The following PLEC variants were observed in gnomAD, a reference collection of about 807,000 sequenced individuals.
PLEC encodes the protein hemidesmosomal protein 1.
A neutral mutation model predicts 392.8 loss-of-function variants in PLEC; 216 were observed. That is an observed-to-expected ratio of 0.55 (90% CI 0.49 to 0.62). PLEC has a LOEUF of 0.62. Among genes scored for constraint, PLEC ranks in the 20% least tolerant of loss-of-function variants. PLEC has a pLI of 0.00. For missense variants in PLEC, 6,863 were observed against 6,563.4 expected (o/e 1.05, Z -1.58); for synonymous variants, 3,621 against 2,980.6 (o/e 1.21, Z -7.00).
chr8:143,923,892 G>A lies in PLEC; in HGVS notation c.6037C>T (p.Arg2013Trp), dbSNP rs34893635. ...QRKAALEEVE[R>W]LKAKVEEARR... ...GCCTCCTCCACCTTGGCTTTCAGCC[G>A]CTCGACTTCCTCCAGCGCCGCCTTC... Residue 2013 changes from arginine (R) to tryptophan (W), a missense_variant, in exon 31 of 32, where the codon CGG becomes TGG. Transcript: ENST00000345136. 1.1e-4 allele frequency: 174 copies of A among 1,594,564 alleles called. No individual in the cohort carries two copies. The East Asian group carries it at 1.4e-3, about 13-fold the overall frequency.
chr8:143,950,613 G>A (rs782041189), exon 1 of PLEC: 29 of 1,603,906 alleles, frequency 1.8e-5, no homozygotes, highest in South Asian at 1.3e-4. Flanking sequence ...CTGCGGGGCC[G>A]CCGGTCCTTC....
At position 143,931,985 on chromosome 8, in the gene PLEC, C is replaced by T. The variant is rs1402886286; in HGVS notation, c.2130G>A (p.Leu710=). The T allele has an allele frequency of 1.9e-6, 3 of 1,607,972 alleles. No individual in the cohort carries two copies. In the East Asian group the frequency reaches 6.7e-5, roughly 36 times the overall value. ...LQTQWSWMLQ[L]CCCIEAHLKE... ...TCAGGTGTGCCTCGATACAGCAGCA[C>T]AGCTGTAGCATCCAGCTCCACTGCG... is the stretch of plus-strand genomic sequence containing the variant. The change falls in exon 18 of 32, where the codon CTG becomes CTA. Residue 710 remains leucine (L), a synonymous_variant. Transcript: ENST00000345136.
upstream of PLEC, chr8:143,943,895 G>A (rs377111376): frequency 7.1e-5 from 114 of 1,609,964 alleles, no homozygotes; most frequent in Non-Finnish European, 9.4e-5. Context: ...CTCCATAGCC[G>A]CCACGCGGAG....
In PLEC at chr8:143,921,112, G is replaced by A. The variant is rs374056747; in HGVS notation, c.8709C>T (p.Asp2903=). ...CAGACACGGTGGCCTTCTCAAAGAC[G>A]TCCCGGGCCTCGGAGTCAGTGTAGA... is the stretch of plus-strand genomic sequence containing the variant. ...ELVYTDSEAR[D]VFEKATVSAP... is the part of the protein sequence containing the mutation. Residue 2903 remains aspartate (D), a synonymous_variant, in exon 32 of 32, where the codon GAC becomes GAT. Transcript: ENST00000345136. The A allele has an allele frequency of 2.8e-5, 45 of 1,612,312 alleles. No homozygotes were observed. The highest frequency in any genetic ancestry group is 6.7e-5 in the East Asian group (3 of 44,890).
In PLEC at chr8:143,926,527, GGGGGACGCTCACGAGGGAGGAGAGGC is replaced by G. The variant is rs1369434649; in HGVS notation, c.4044+231_4044+256del. Among the ~76,000 whole-genome samples the G allele has an allele frequency of 2.7e-4, 41 of 152,222 alleles. 1 individual carries two copies. The highest frequency in any genetic ancestry group is 8.0e-4 in the African/African-American group (33 of 41,456). On this transcript the variant is annotated intron_variant, in intron 30 of 31. Coordinates refer to ENST00000345136, the MANE Select transcript of PLEC (RefSeq NM_201384.3). ...CCACAGGACGGCCGCTAGGCTGCAG[GGGGGACGCTCACGAGGGAGGAGAGGC>G]GGCACCAGCCACTGTGGGGGAGCAG... is the stretch of plus-strand genomic sequence containing the variant.
chr8:143,920,677 C>G lies in PLEC; in HGVS notation c.9144G>C (p.Leu3048=). ...GGGCCACGGCCATGTCGGATGGCAGCAGGTCTTTCTTCAGGGCATTGTAGA... is the reference window on the plus strand; with the variant it reads ...GGGCCACGGCCATGTCGGATGGCAGGAGGTCTTTCTTCAGGGCATTGTAGA... The part of the protein sequence containing the change: ...LSIYNALKKD[L]LPSDMAVALL... Residue 3048 remains leucine, a synonymous_variant, in exon 32 of 32, where the codon CTG becomes CTC. Coordinates refer to ENST00000345136, the MANE Select transcript of PLEC (RefSeq NM_201384.3). 2 of 1,603,288 alleles carry G rather than the reference C, an allele frequency of 1.2e-6. No individual in the cohort carries two copies. The highest frequency in any genetic ancestry group is 1.7e-6 in the Non-Finnish European group (2 of 1,179,876).
At position 143,931,744 on chromosome 8, in the gene PLEC, G is replaced by A. The variant is rs1827325123; in HGVS notation, c.2179-85C>T. On this transcript the variant is annotated intron_variant, in intron 18 of 31. Coordinates refer to ENST00000345136, the MANE Select transcript of PLEC (RefSeq NM_201384.3). Reference sequence around the variant, plus strand: ...TGTCCCAGGGCAGGCCCAAGACGGGGGCACTGAGGAAGGAGTGGCAAAGCC... The same window carrying A: ...TGTCCCAGGGCAGGCCCAAGACGGGAGCACTGAGGAAGGAGTGGCAAAGCC... 1.4e-5 allele frequency: 22 copies of A among 1,548,916 alleles called. No homozygotes were observed. The South Asian group carries it at 2.3e-4, about 16-fold the overall frequency.
chr8:143,933,560 A>T (rs1359146993), intron 12 of PLEC, among the ~76,000 whole-genome samples: 2 of 152,126 alleles, frequency 1.3e-5, no homozygotes, highest in Non-Finnish European at 2.9e-5. Context: ...TACTTAGCCC[A>T]GTCCAAGAAC....
intron 1 of PLEC, among the ~76,000 whole-genome samples, chr8:143,966,618 C>T (rs1174560571): frequency 2.0e-5 from 3 of 151,282 alleles, no homozygotes; most frequent in Non-Finnish European, 2.9e-5. Context: ...TGTTTCAAGC[C>T]ACACCTGCCA....
chr8:143,955,837 C>T (rs1832558654), upstream of PLEC, among the ~76,000 whole-genome samples: 2 of 152,102 alleles, frequency 1.3e-5, no homozygotes. Flanking sequence ...TGGGCTCAAG[C>T]AATCCTCCCA....
rs782317236 is a variant in PLEC, at chr8:143,920,973, T to C, written c.8848A>G (p.Ile2950Val). 6.2e-7 allele frequency: 1 copy of C among 1,613,124 alleles called. No individual in the cohort carries two copies. ...DLLRQFRTGR[I>V]TVEKIIKIII... ...ATCTTGATGATCTTCTCCACTGTGA[T>C]CCGGCCCGTGCGGAACTGCCGCAGC... is the stretch of plus-strand genomic sequence containing the variant. The change falls in exon 32 of 32, where the codon ATC (isoleucine) becomes GTC (valine). Residue 2950 changes from isoleucine (I) to valine (V), a missense_variant. Coordinates refer to ENST00000345136, the MANE Select transcript of PLEC (RefSeq NM_201384.3).
Position 143,919,672 on chromosome 8 carries a change from TG to T in PLEC, c.10148del (p.Thr3383LysfsTer31). The T allele has an allele frequency of 6.3e-7, 1 of 1,598,620 alleles. No homozygotes were observed. Among genetic ancestry groups the T allele is most frequent in the Non-Finnish European group, 8.5e-7 (1 of 1,174,032 alleles). ...EAMRRGLLRA[T>X]TAALLLEAQA... Reference sequence around the variant, plus strand: ...GCGCCTCCAGCAGGAGCGCAGCCGTTGTGGCTCTCAGCAGGCCCCGGCGCAT... The same window carrying T: ...GCGCCTCCAGCAGGAGCGCAGCCGTTTGGCTCTCAGCAGGCCCCGGCGCAT... On this transcript the variant is annotated frameshift_variant, in exon 32 of 32. Transcript: ENST00000345136. LOFTEE classifies it high-confidence loss of function.
upstream of PLEC, among the ~76,000 whole-genome samples, chr8:143,943,148 G>A (rs1554730078): frequency 1.3e-5 from 2 of 152,232 alleles, no homozygotes; most frequent in Non-Finnish European, 2.9e-5. Context: ...CAGAGGAGCT[G>A]AGCCAGGCAG....
At chr8:143,966,378 T>G (rs1464596427) in intron 1 of PLEC, among the ~76,000 whole-genome samples, 1 of 152,218 alleles carries the variant, frequency 6.6e-6, no homozygotes, top group Non-Finnish European at 1.5e-5. Flanking sequence ...TGCACCTCAG[T>G]GTCTGCACAC....
At chr8:143,937,860 C>A (rs1829464760) in intron 3 of PLEC, 2 of 612,964 alleles carry the variant, frequency 3.3e-6, no homozygotes, top group Non-Finnish European at 6.1e-6. Flanking sequence ...GAAACCAAAG[C>A]AAAGCGGAGC....
upstream of PLEC, among the ~76,000 whole-genome samples, chr8:143,976,165 C>T (rs1833654675): frequency 2.6e-5 from 4 of 152,352 alleles, no homozygotes; most frequent in African/African-American, 2.4e-5. Context: ...GAGCCCGGGC[C>T]GCAGCTCCAG....
Position 143,920,896 on chromosome 8 carries a change from C to A in PLEC, c.8925G>T (p.Glu2975Asp), listed in dbSNP as rs782305264. 1 of 1,611,958 alleles carries A rather than the reference C, an allele frequency of 6.2e-7. No individual in the cohort carries two copies. Among genetic ancestry groups the A allele is most frequent in the South Asian group, 1.1e-5 (1 of 91,086 alleles). ...EQEQKGRLCFEGLRSLVPAAE... is the reference protein window; with the variant it reads ...EQEQKGRLCFDGLRSLVPAAE... The stretch of plus-strand genomic sequence containing the variant: ...CGGCTGGCACCAGGCTGCGCAGGCC[C>A]TCAAAGCAAAGCCGGCCCTTCTGCT... Residue 2975 changes from glutamate to aspartate, a missense_variant, in exon 32 of 32, where the codon GAG becomes GAT. Coordinates refer to ENST00000345136, the MANE Select transcript of PLEC (RefSeq NM_201384.3).
chr8:143,940,064 C>T (rs782166001), upstream of PLEC, among the ~76,000 whole-genome samples: 7 of 152,238 alleles, frequency 4.6e-5, no homozygotes, highest in Non-Finnish European at 8.8e-5. Context: ...GGGGAGGGGA[C>T]CTGCTGCCTG....
At position 143,922,732 on chromosome 8, in the gene PLEC, A is replaced by G; in HGVS notation, c.7197T>C (p.Ala2399=). Residue 2399 remains alanine (A), a synonymous_variant, in exon 31 of 32, where the codon GCT becomes GCC. Coordinates refer to ENST00000345136, the MANE Select transcript of PLEC (RefSeq NM_201384.3). ...TCCGGAAGCGCTGGGCGTCCTCCTC[A>G]GCGCGGGCCTGGGCTCGGCTCATCT... is the stretch of plus-strand genomic sequence containing the variant. ...VAEMSRAQAR[A]EEDAQRFRKQ... The G allele has an allele frequency of 6.2e-7, 1 of 1,611,142 alleles. No homozygotes were observed.
Sources: allele counts gnomAD v4.1 joint callset (sites outside exome capture counted in the v4.1 genomes callset), GRCh38; gene constraint gnomAD v4.1.1; transcripts MANE v1.5; gene names NCBI Gene and HGNC (gene_info 2026-07-23, HGNC 2026-07-21).